The following CDC42EP3 variants were observed in gnomAD, a reference collection of about 807,000 sequenced individuals.
The protein encoded by CDC42EP3 is CDC42 effector protein 3.
Under a neutral mutation model 15.5 loss-of-function variants are expected in CDC42EP3, and 4 were observed. The ratio of observed to expected loss-of-function variants is 0.26; its 90% CI spans 0.13 to 0.59. The LOEUF (loss-of-function observed/expected upper bound fraction) is 0.59. CDC42EP3 is among the 20% of genes least tolerant of loss of function. The pLI, the probability that CDC42EP3 is intolerant of heterozygous loss-of-function variation, is 0.89. For synonymous variants in CDC42EP3, 145 were observed against 130.3 expected (o/e 1.11, Z -0.77); for missense variants, 309 against 311.2 (o/e 0.99, Z 0.05).
At chr2:37,670,513 A>G (rs1666377417) in intron 1 of CDC42EP3, among the ~76,000 whole-genome samples, 1 of 149,340 alleles carries the variant, frequency 6.7e-6, no homozygotes, top group South Asian at 2.1e-4. Context: ...AACAAAATGT[A>G]ATTACTTGAC....
intron 1 of CDC42EP3, among the ~76,000 whole-genome samples, chr2:37,669,908 C>T (rs1266606067): frequency 6.6e-6 from 1 of 152,168 alleles, no homozygotes; most frequent in African/African-American, 2.4e-5. Flanking sequence ...ACAACTACTC[C>T]AACTTATTTC....
At chr2:37,657,768 G>A (rs939865948) in intron 1 of CDC42EP3, among the ~76,000 whole-genome samples, 2 of 152,160 alleles carry the variant, frequency 1.3e-5, no homozygotes, top group Admixed American at 6.5e-5. Context: ...TGCGATATTT[G>A]GCAATGTCTG....
At chr2:37,649,567 G>A (rs1665598426) in intron 1 of CDC42EP3, among the ~76,000 whole-genome samples, 2 of 151,800 alleles carry the variant, frequency 1.3e-5, no homozygotes, top group Admixed American at 6.6e-5. Flanking sequence ...CAAGGATTTG[G>A]GACAGTGAGG....
chr2:37,672,726 G>GGGCT (rs1384148113), upstream of CDC42EP3, among the ~76,000 whole-genome samples: 1 of 152,216 alleles, frequency 6.6e-6, no homozygotes, highest in African/African-American at 2.4e-5. Flanking sequence ...CCAGGGGAGG[G>GGGCT]GGCTGGGACC....
intron 1 of CDC42EP3, among the ~76,000 whole-genome samples, chr2:37,669,615 C>T (rs569982617): frequency 1.3e-5 from 2 of 152,288 alleles, no homozygotes; most frequent in Admixed American, 1.3e-4. Context: ...TAGCTGCTGC[C>T]ACAGCCTCAG....
chr2:37,654,066 C>T (rs1025393671), intron 1 of CDC42EP3, among the ~76,000 whole-genome samples: 5 of 152,144 alleles, frequency 3.3e-5, no homozygotes, highest in African/African-American at 4.8e-5. Context: ...CCAGAGTATC[C>T]AGCGACTCCT....
At chr2:37,666,346 A>G (rs1572527019) in intron 1 of CDC42EP3, among the ~76,000 whole-genome samples, 1 of 152,232 alleles carries the variant, frequency 6.6e-6, no homozygotes, top group Non-Finnish European at 1.5e-5. Flanking sequence ...AGGGACCTTC[A>G]TCAAACTGGG....
At chr2:37,665,537 T>A (rs982618985) in intron 1 of CDC42EP3, among the ~76,000 whole-genome samples, 72 of 152,336 alleles carry the variant, frequency 4.7e-4, no homozygotes, top group Admixed American at 3.8e-3. Flanking sequence ...TCACCAAAAA[T>A]GCCTCTGCTT....
At chr2:37,670,616 C>G (rs1666381994) in intron 1 of CDC42EP3, among the ~76,000 whole-genome samples, 1 of 152,116 alleles carries the variant, frequency 6.6e-6, no homozygotes, top group African/African-American at 2.4e-5. Flanking sequence ...TTGTCCCAGC[C>G]ACAGCCTGGC....
intron 1 of CDC42EP3, among the ~76,000 whole-genome samples, chr2:37,664,871 G>T (rs1171728194): frequency 2.0e-5 from 3 of 152,022 alleles, no homozygotes; most frequent in Non-Finnish European, 2.9e-5. Flanking sequence ...AGAACAAATG[G>T]ACACAAAGAG....
At chr2:37,654,351 T>C (rs993318003) in intron 1 of CDC42EP3, among the ~76,000 whole-genome samples, 1 of 152,146 alleles carries the variant, frequency 6.6e-6, no homozygotes, top group African/African-American at 2.4e-5. Context: ...GCTGAAGGAA[T>C]AGAGCAGCTT....
intron 1 of CDC42EP3, among the ~76,000 whole-genome samples, chr2:37,653,047 T>C (rs1480914330): frequency 6.6e-6 from 1 of 152,218 alleles, no homozygotes; most frequent in Non-Finnish European, 1.5e-5. Flanking sequence ...TCTTGGATCA[T>C]GGTTTGTTCC....
At chr2:37,656,112 G>T (rs1431909628) in intron 1 of CDC42EP3, among the ~76,000 whole-genome samples, 1 of 152,162 alleles carries the variant, frequency 6.6e-6, no homozygotes, top group Admixed American at 6.5e-5. Flanking sequence ...ACCCTGCTAG[G>T]GCTGTCTACA....
intron 1 of CDC42EP3, among the ~76,000 whole-genome samples, chr2:37,665,251 G>C (rs565221827): frequency 1.3e-4 from 20 of 152,096 alleles, no homozygotes; most frequent in Non-Finnish European, 2.6e-4. Context: ...GGCCAGGAGA[G>C]GGCCTGGGGA....
chr2:37,670,204 T>A (rs144855472), intron 1 of CDC42EP3, among the ~76,000 whole-genome samples: 1 of 149,770 alleles, frequency 6.7e-6, no homozygotes, highest in African/African-American at 2.6e-5. Context: ...AGGAAGTCCC[T>A]AAAACTGGCT....
rs1369192509 is a variant in CDC42EP3 at position 37,658,413 on chromosome 2, T to G, written c.-235-11591A>C. Among the ~76,000 whole-genome samples the G allele has an allele frequency of 5.3e-5, 8 of 152,320 alleles. No homozygotes were observed. The East Asian group carries it at 1.5e-3, about 29-fold the overall frequency. ...GCTCCATATTCCTTGTGCACAGTAG[T>G]ATTGTACAATGGATTGGAAATGGAA... On this transcript the variant is annotated intron_variant, in intron 1 of 1. Coordinates refer to ENST00000295324, the MANE Select transcript of CDC42EP3 (RefSeq NM_006449.5).
chr2:37,646,279 G>C lies in CDC42EP3; in HGVS notation c.309C>G (p.Leu103=). The C allele has an allele frequency of 6.2e-7, 1 of 1,614,138 alleles. No homozygotes were observed. Among genetic ancestry groups the C allele is most frequent in the South Asian group, 1.1e-5 (1 of 91,066 alleles). ...SVFTETPSPV[L]KNAISLPTIG... ...TGGTCGGGAGGGAGATGGCATTTTT[G>C]AGCACCGGGGAGGGCGTTTCTGTGA... The change falls in exon 2 of 2, where the codon CTC becomes CTG. Residue 103 remains leucine, a synonymous_variant. Coordinates refer to ENST00000295324, the MANE Select transcript of CDC42EP3 (RefSeq NM_006449.5).
chr2:37,665,877 G>A (rs1483663530), intron 1 of CDC42EP3, among the ~76,000 whole-genome samples: 1 of 152,132 alleles, frequency 6.6e-6, no homozygotes, highest in African/African-American at 2.4e-5. Context: ...TCTGGAGCCA[G>A]AGATTATCTG....
intron 1 of CDC42EP3, among the ~76,000 whole-genome samples, chr2:37,654,167 A>T (rs1195182988): frequency 6.6e-6 from 1 of 152,080 alleles, no homozygotes; most frequent in African/African-American, 2.4e-5. Context: ...TCTGTGGGCT[A>T]TGTCTCTCTG....
Sources: gnomAD v4.1 joint callset for allele counts (sites outside exome capture counted in the v4.1 genomes callset) on GRCh38, gnomAD v4.1.1 for gene constraint, MANE v1.5 for transcripts, NCBI Gene and HGNC (gene_info 2026-07-23, HGNC 2026-07-21) for gene names.